Variants in PATL1 observed in about 807,000 individuals in gnomAD.
PATL1 encodes the protein protein PAT1 homolog 1.
A neutral mutation model predicts 100.6 loss-of-function variants in PATL1; 32 were observed. The ratio of observed to expected loss-of-function variants is 0.32; its 90% confidence interval spans 0.24 to 0.43. The LOEUF (loss-of-function observed/expected upper bound fraction) is 0.43. Ranked by LOEUF, PATL1 falls within the 20% of genes least tolerant of loss-of-function variation. The pLI is 1.00. For missense variants in PATL1, 747 were observed against 949.9 expected, an observed-to-expected ratio of 0.79 and a Z score of 2.81; for synonymous variants, 332 against 330.0, an observed-to-expected ratio of 1.01 and a Z score of -0.07.
At chr11:59,647,171 C>T (rs757685876) in intron 15 of PATL1, among the ~76,000 whole-genome samples, 2 of 136,908 alleles carry the variant, frequency 1.5e-5, no homozygotes, top group Non-Finnish European at 3.0e-5. Flanking sequence ...TGCAGTGAGC[C>T]GAGATCACAC....
intron 8 of PATL1, among the ~76,000 whole-genome samples, chr11:59,655,218 G>A (rs777756241): frequency 3.9e-5 from 6 of 152,142 alleles, no homozygotes; most frequent in Admixed American, 3.3e-4. Context: ...CAACTTCACT[G>A]AAACAGGAAC....
chr11:59,664,018 A>T (rs933930935), intron 2 of PATL1, among the ~76,000 whole-genome samples: 2 of 152,212 alleles, frequency 1.3e-5, no homozygotes, highest in Admixed American at 6.5e-5. Flanking sequence ...CAATTCCAGT[A>T]CATTACACTC....
At chr11:59,651,748 C>A in intron 11 of PATL1, 107 bp from the exon 12 acceptor site, 1 of 713,556 alleles carries the variant, frequency 1.4e-6, no homozygotes, top group South Asian at 1.7e-5. Context: ...TACTCATAGT[C>A]TAATAACTTA....
intron 15 of PATL1, among the ~76,000 whole-genome samples, chr11:59,644,148 T>C (rs1271070516): frequency 6.6e-6 from 1 of 152,178 alleles, no homozygotes; most frequent in Non-Finnish European, 1.5e-5. Flanking sequence ...AACAGCATAA[T>C]GACATTCATG....
chr11:59,647,668 A>G, intron 15 of PATL1, 86 bp downstream of exon 15: 1 of 1,369,886 alleles, frequency 7.3e-7, no homozygotes, highest in East Asian at 2.4e-5. Flanking sequence ...TACAAAAGGG[A>G]AGAGGAGAGG....
chr11:59,638,652 AT>A (rs1479139762), intron 18 of PATL1, among the ~76,000 whole-genome samples: 2 of 151,984 alleles, frequency 1.3e-5, no homozygotes, highest in Admixed American at 1.3e-4. Flanking sequence ...ATTCAGTTTT[AT>A]TCCCCCCTCC....
At chr11:59,657,768 G>T in intron 4 of PATL1, 44 bp from the exon 5 acceptor site, 3 of 1,452,708 alleles carry the variant, frequency 2.1e-6, no homozygotes, top group Admixed American at 2.0e-5. Flanking sequence ...TAACTAACTT[G>T]GTATGTTTTA....
At chr11:59,659,582 A>G in intron 2 of PATL1, 113 bp from the exon 3 acceptor site, 1 of 995,314 alleles carries the variant, frequency 1.0e-6, no homozygotes, top group Non-Finnish European at 1.4e-6. Flanking sequence ...CCCAGGCTGC[A>G]GTGCAGTGGC....
In PATL1 at chr11:59,663,234, C is replaced by T. The variant is rs192945394; in HGVS notation, c.127+3619G>A. Among the ~76,000 whole-genome samples the T allele has an allele frequency of 4.7e-3, 720 of 151,956 alleles. 2 individuals carry two copies. The highest frequency in any genetic ancestry group is 0.016 in the African/African-American group (680 of 41,306). On this transcript the variant is annotated intron_variant, in intron 2 of 18. Transcript: ENST00000300146. ...TAACGAACTAACCTATACTCTGATA[C>T]GGGTTACTGAATTCCTGGCTGCTTC...
chr11:59,651,500 C>T lies in PATL1; in HGVS notation c.1524+44G>A, dbSNP rs774120178. 4.0e-5 allele frequency: 59 copies of T among 1,483,654 alleles called. 1 individual carries two copies. The highest frequency in any genetic ancestry group is 5.4e-5 in the Non-Finnish European group (58 of 1,071,288). The allele number at this position is 1,483,654 out of a possible 1,614,324, so 91.9% of individuals were successfully genotyped here. ...CCATGGTGACCCCAAAAGAAGTGGT[C>T]ACAAATCAGACGTTCTTAAACAGAC... On this transcript the variant is annotated intron_variant, in intron 12 of 18. Transcript: ENST00000300146.
At position 59,657,674 on chromosome 11, in the gene PATL1, G is replaced by T. The variant is rs757741065; in HGVS notation, c.477C>A (p.Pro159=). The stretch of plus-strand genomic sequence containing the variant: ...GGTCCCGATCATCTTCTGGACCCTG[G>T]GGGGGCCTCTGAGGCAAAGCATATT... ...VLEYALPQRP[P]QGPEDDRDLS... is the part of the protein sequence containing the mutation. The change falls in exon 5 of 19, where the codon CCC becomes CCA. Residue 159 remains proline, a synonymous_variant. Coordinates refer to ENST00000300146, the MANE Select transcript of PATL1 (RefSeq NM_152716.3). 12 of 1,613,540 alleles carry T rather than the reference G, an allele frequency of 7.4e-6. No individual in the cohort carries two copies. The highest frequency in any genetic ancestry group is 2.7e-5 in the African/African-American group (2 of 74,870).
intron 14 of PATL1, among the ~76,000 whole-genome samples, chr11:59,648,736 A>G (rs1241878947): frequency 6.6e-6 from 1 of 152,216 alleles, no homozygotes; most frequent in Non-Finnish European, 1.5e-5. Context: ...TAATGGCTGC[A>G]TAACATCCAA....
At chr11:59,653,103 T>C (rs1440456997) in intron 9 of PATL1, 85 bp from the exon 10 acceptor site, 1 of 1,263,436 alleles carries the variant, frequency 7.9e-7, no homozygotes, top group African/African-American at 1.5e-5. Context: ...GCCAGTTTTT[T>C]TTTTTTTTTT....
intron 11 of PATL1, among the ~76,000 whole-genome samples, chr11:59,652,029 C>A (rs1861452222): frequency 8.1e-6 from 1 of 124,106 alleles, no homozygotes; most frequent in Non-Finnish European, 1.6e-5. Context: ...GGCACCAATG[C>A]ACTCCAGCCT....
At chr11:59,652,260 G>C (rs542329318) in intron 11 of PATL1, among the ~76,000 whole-genome samples, 38 of 151,882 alleles carry the variant, frequency 2.5e-4, no homozygotes, top group Admixed American at 2.1e-3. Flanking sequence ...AAGTAGAAAA[G>C]GACCTAAAAA....
chr11:59,661,218 T>C (rs146587627), intron 2 of PATL1, among the ~76,000 whole-genome samples: 1 of 152,116 alleles, frequency 6.6e-6, no homozygotes, highest in Non-Finnish European at 1.5e-5. Flanking sequence ...CCCAAGTAAC[T>C]GGAACTACAG....
At chr11:59,647,091 C>T (rs1861375188) in intron 15 of PATL1, among the ~76,000 whole-genome samples, 1 of 151,712 alleles carries the variant, frequency 6.6e-6, no homozygotes, top group Admixed American at 6.6e-5. Flanking sequence ...AGCATGGTGT[C>T]GCATGCCTGT....
In PATL1 at chr11:59,651,648, AG is replaced by A. The variant is rs1165986868; in HGVS notation, c.1427-8del. On this transcript the variant is annotated splice_region_variant and splice_polypyrimidine_tract_variant and intron_variant, in intron 11 of 18. Transcript: ENST00000300146. ...AAAGAGCCCTCAAATTGCACTGCAAAGACAAAAAAAAAAAAAATTCCAACAA... is the reference window on the plus strand; with the variant it reads ...AAAGAGCCCTCAAATTGCACTGCAAAACAAAAAAAAAAAAAATTCCAACAA... 3.2e-6 allele frequency: 5 copies of A among 1,558,070 alleles called. No homozygotes were observed. Among genetic ancestry groups the A allele is most frequent in the East Asian group, 2.3e-5 (1 of 44,108 alleles).
chr11:59,656,686 G>A, intron 5 of PATL1, 86 bp from the exon 6 acceptor site: 1 of 1,170,458 alleles, frequency 8.5e-7, no homozygotes. Context: ...TACTGGTAGA[G>A]ACACGAACTC....
Sources: gnomAD v4.1 joint callset for allele counts (sites outside exome capture counted in the v4.1 genomes callset) on GRCh38, gnomAD v4.1.1 for gene constraint, MANE v1.5 for transcripts, NCBI Gene and HGNC (gene_info 2026-07-23, HGNC 2026-07-21) for gene names.